Variants in MMP26 observed in about 807,000 individuals in gnomAD.
MMP26 encodes matrix metalloproteinase-26.
A neutral mutation model predicts 31.0 loss-of-function variants in MMP26; 33 were observed. The observed-to-expected ratio is 1.06, with a 90% CI of 0.81 to 1.42. MMP26 has a LOEUF of 1.42. Ranked by LOEUF, MMP26 falls within the 40% of genes most tolerant of loss-of-function variation. The pLI is 0.00. For missense variants in MMP26, 347 were observed against 316.1 expected, an observed-to-expected ratio of 1.10 and a Z score of -0.74; for synonymous variants, 122 against 114.9, an observed-to-expected ratio of 1.06 and a Z score of -0.40.
chr11:4,789,385 A>G (rs534987179), intron 2 of MMP26, among the ~76,000 whole-genome samples: 2 of 152,114 alleles, frequency 1.3e-5, no homozygotes, highest in South Asian at 4.2e-4. Flanking sequence ...TATATTCTTT[A>G]ACTAGGAATC....
chr11:4,904,041 C>G (rs954333261), intron 2 of MMP26, among the ~76,000 whole-genome samples: 3 of 151,902 alleles, frequency 2.0e-5, no homozygotes, highest in Non-Finnish European at 4.4e-5. Context: ...TAAAAGCAAG[C>G]CTTATTGTCA....
chr11:4,899,135 G>A (rs1850764636), intron 2 of MMP26, among the ~76,000 whole-genome samples: 1 of 152,100 alleles, frequency 6.6e-6, no homozygotes, highest in South Asian at 2.1e-4. Context: ...ATAATTCCAG[G>A]AAAGGACTTA....
intron 1 of MMP26, among the ~76,000 whole-genome samples, chr11:4,727,621 T>C (rs1388826389): frequency 1.3e-5 from 2 of 151,942 alleles, no homozygotes; most frequent in Non-Finnish European, 2.9e-5. Flanking sequence ...ACCAGCCTGG[T>C]CAACATGGTG....
At chr11:4,726,095 T>G (rs1018305984) in intron 1 of MMP26, among the ~76,000 whole-genome samples, 2 of 152,302 alleles carry the variant, frequency 1.3e-5, no homozygotes, top group Admixed American at 1.3e-4. Flanking sequence ...GAGACTTTGA[T>G]GAACTCACAA....
At chr11:4,873,074 G>C (rs563103801) in intron 2 of MMP26, among the ~76,000 whole-genome samples, 2 of 152,024 alleles carry the variant, frequency 1.3e-5, no homozygotes, top group Admixed American at 6.6e-5. Context: ...TGACACATCT[G>C]GTACTTAGTA....
At chr11:4,934,843 C>T (rs1199498541) in intron 2 of MMP26, among the ~76,000 whole-genome samples, 2 of 151,038 alleles carry the variant, frequency 1.3e-5, no homozygotes, top group Non-Finnish European at 3.0e-5. Flanking sequence ...ATCCTTTCCC[C>T]ATTGCTTGTT....
chr11:4,991,926 T>C (rs1193102259), intron 6 of MMP26, 38 bp from the exon 7 acceptor site: 1 of 1,508,224 alleles, frequency 6.6e-7, no homozygotes, highest in East Asian at 2.4e-5. Flanking sequence ...TCCCTATGCA[T>C]AGTTAATTTT....
intron 2 of MMP26, chr11:4,943,686 C>A (rs754999298): frequency 1.1e-4 from 39 of 353,870 alleles, no homozygotes; most frequent in Admixed American, 5.9e-4. Flanking sequence ...AACATTGCTG[C>A]CAGTTGAGAA....
chr11:4,760,809 A>G (rs985738113), intron 1 of MMP26, among the ~76,000 whole-genome samples: 2 of 152,194 alleles, frequency 1.3e-5, no homozygotes, highest in Non-Finnish European at 2.9e-5. Context: ...CTTAAGAGAC[A>G]CAATAGAATA....
At chr11:4,749,386 AC>A (rs1478382703) in intron 1 of MMP26, among the ~76,000 whole-genome samples, 4 of 151,944 alleles carry the variant, frequency 2.6e-5, no homozygotes, top group African/African-American at 9.7e-5. Context: ...TCAATGTAAT[AC>A]CTAACAAATT....
chr11:4,881,234 C>T (rs1482027020), intron 2 of MMP26, among the ~76,000 whole-genome samples: 3 of 152,114 alleles, frequency 2.0e-5, no homozygotes, highest in African/African-American at 4.8e-5. Flanking sequence ...CAGCAGCAAA[C>T]GGAACCACTG....
chr11:4,813,059 A>T (rs886079753), intron 2 of MMP26, among the ~76,000 whole-genome samples: 1 of 152,006 alleles, frequency 6.6e-6, no homozygotes, highest in Admixed American at 6.6e-5. Flanking sequence ...GAATATACCA[A>T]TAAGTACATT....
intron 1 of MMP26, chr11:4,723,390 C>A (rs569968915): frequency 2.1e-6 from 2 of 944,784 alleles, no homozygotes; most frequent in East Asian, 2.4e-5. Context: ...CCTTGTACTG[C>A]GCCTTGACCT....
At chr11:4,724,706 T>C (rs1310990572) in intron 1 of MMP26, among the ~76,000 whole-genome samples, 1 of 152,200 alleles carries the variant, frequency 6.6e-6, no homozygotes, top group Non-Finnish European at 1.5e-5. Flanking sequence ...ATGAATCCAA[T>C]AGAACAACTT....
rs145511100 is a variant in MMP26, at chr11:4,854,929, G to A, written c.-145+87588G>A. Among the ~76,000 whole-genome samples, 926 of 152,292 alleles carry A rather than the reference G, an allele frequency of 6.1e-3. 8 individuals are homozygous for A. The highest frequency in any genetic ancestry group is 0.021 in the African/African-American group (871 of 41,544). ...CAATATTTGCTGTTCTGCAGCCTCC[G>A]CTGGTGATACCCAAGCAAACAGGGT... On this transcript the variant is annotated intron_variant, in intron 2 of 7. Transcript: ENST00000380390.
intron 2 of MMP26, among the ~76,000 whole-genome samples, chr11:4,901,214 AGTGGC>A (rs1342369213): frequency 8.0e-6 from 1 of 124,286 alleles, no homozygotes; most frequent in Non-Finnish European, 1.6e-5. Flanking sequence ...TCTGGAGTGC[AGTGGC>A]GTGATCTCCG....
At chr11:4,946,195 C>A (rs1203783373) in intron 2 of MMP26, 1 of 1,614,002 alleles carries the variant, frequency 6.2e-7, no homozygotes, top group East Asian at 2.2e-5. Flanking sequence ...CTACAACTCT[C>A]ACTCTAATCT....
At chr11:4,881,014 T>G (rs1589927735) in intron 2 of MMP26, among the ~76,000 whole-genome samples, 1 of 152,262 alleles carries the variant, frequency 6.6e-6, no homozygotes, top group East Asian at 1.9e-4. Flanking sequence ...AATGGGCAGA[T>G]GCTACCTTCT....
In MMP26 at chr11:4,953,925, G is replaced by A. The variant is rs1270026718; in HGVS notation, c.-144-34143G>A. On this transcript the variant is annotated intron_variant, in intron 2 of 7. Transcript: ENST00000380390. The stretch of plus-strand genomic sequence containing the variant: ...AAATCAGCCAGGCGTGGTGACATGC[G>A]CCTGTAATCCTAGATACTCGGGAGG... Among the ~76,000 whole-genome samples the A allele has an allele frequency of 1.6e-5, 2 of 124,858 alleles. 1 individual carries two copies. Among genetic ancestry groups the A allele is most frequent in the East Asian group, 4.5e-4 (2 of 4,396 alleles). 81.9% of individuals were successfully genotyped at this position (124,858 alleles called of 152,430 possible). A position where few individuals can be genotyped will look rare whatever the true frequency, so the allele number is the denominator to read the frequency against.
Sources: gnomAD v4.1 joint callset for allele counts (sites outside exome capture counted in the v4.1 genomes callset) on GRCh38, gnomAD v4.1.1 for gene constraint, MANE v1.5 for transcripts, NCBI Gene and HGNC (gene_info 2026-07-23, HGNC 2026-07-21) for gene names.